The following ADAMTS6 variants were observed in gnomAD, a reference collection of about 807,000 sequenced individuals.
ADAMTS6 encodes the protein ADAM metallopeptidase with thrombospondin type 1 motif 6.
A neutral mutation model predicts 144.3 loss-of-function variants in ADAMTS6; 23 were observed. The ratio of observed to expected loss-of-function variants is 0.16; its 90% CI spans 0.11 to 0.23. The LOEUF is 0.23. Among genes scored for constraint, ADAMTS6 ranks in the 10% least tolerant of loss-of-function variants. The probability of loss-of-function intolerance (pLI) is 1.00; values close to 1 mark genes in which losing one functional copy is unlikely to be tolerated. For missense variants in ADAMTS6, 999 were observed against 1,379.6 expected (o/e 0.72, Z 4.37); for synonymous variants, 444 against 457.5 (o/e 0.97, Z 0.38).
At chr5:65,293,303 A>ATTT (rs1742503234) in intron 10 of ADAMTS6, among the ~76,000 whole-genome samples, 1 of 152,122 alleles carries the variant, frequency 6.6e-6, no homozygotes, top group Non-Finnish European at 1.5e-5. Flanking sequence ...GTTAAGTACT[A>ATTT]CTATAAATCT....
At chr5:65,413,149 C>T (rs1410918550) in intron 7 of ADAMTS6, among the ~76,000 whole-genome samples, 3 of 152,122 alleles carry the variant, frequency 2.0e-5, no homozygotes, top group Non-Finnish European at 4.4e-5. Context: ...AACAGGCCTC[C>T]ATATCTTAAA....
chr5:65,425,888 C>T (rs536942464), intron 7 of ADAMTS6, among the ~76,000 whole-genome samples: 3 of 151,978 alleles, frequency 2.0e-5, no homozygotes, highest in South Asian at 2.1e-4. Context: ...CTCAGCCTCC[C>T]GAGTAGCTGG....
intron 2 of ADAMTS6, among the ~76,000 whole-genome samples, chr5:65,472,762 C>T (rs989783457): frequency 1.3e-5 from 2 of 152,162 alleles, no homozygotes; most frequent in Non-Finnish European, 2.9e-5. Flanking sequence ...GTTTATTTCA[C>T]TTCTTATAAA....
At chr5:65,186,038 C>T (rs181845961) in intron 22 of ADAMTS6, among the ~76,000 whole-genome samples, 5 of 152,202 alleles carry the variant, frequency 3.3e-5, no homozygotes, top group Admixed American at 6.5e-5. Flanking sequence ...GTATTCTAAC[C>T]TTCCTAGTAC....
chr5:65,336,510 A>C (rs1394223135), intron 7 of ADAMTS6, among the ~76,000 whole-genome samples: 1 of 152,070 alleles, frequency 6.6e-6, no homozygotes, highest in Admixed American at 6.6e-5. Flanking sequence ...TAGGTAACAC[A>C]TCTGAGATTT....
At chr5:65,408,900 C>G (rs1175036605) in intron 7 of ADAMTS6, among the ~76,000 whole-genome samples, 3 of 152,168 alleles carry the variant, frequency 2.0e-5, no homozygotes, top group African/African-American at 7.2e-5. Flanking sequence ...TGAATGACTA[C>G]TGGGTACATA....
intron 7 of ADAMTS6, among the ~76,000 whole-genome samples, chr5:65,435,347 C>G (rs1407960057): frequency 6.6e-6 from 1 of 152,006 alleles, no homozygotes. Flanking sequence ...AAGCTTTCAA[C>G]TTTATGAGTA....
In ADAMTS6 at chr5:65,418,583, G is replaced by A. The variant is rs553592194; in HGVS notation, c.1073+32892C>T. Among the ~76,000 whole-genome samples the A allele has an allele frequency of 1.8e-3, 277 of 151,918 alleles. 2 individuals are homozygous for A. The highest frequency in any genetic ancestry group is 6.5e-3 in the African/African-American group (268 of 41,462). On this transcript the variant is annotated intron_variant, in intron 7 of 24. Transcript: ENST00000381055. ...ATAATTGTCTGGGTTTTTTTTAAAC[G>A]CAGTACAATAAATAATTTAATAACT...
At chr5:65,468,306 G>T (rs776841210) in intron 3 of ADAMTS6, among the ~76,000 whole-genome samples, 1 of 151,824 alleles carries the variant, frequency 6.6e-6, no homozygotes, top group Non-Finnish European at 1.5e-5. Flanking sequence ...TTGAAAAGTA[G>T]AATTTTTTAA....
chr5:65,237,031 T>C (rs1343262205), intron 15 of ADAMTS6, among the ~76,000 whole-genome samples: 1 of 152,070 alleles, frequency 6.6e-6, no homozygotes, highest in Non-Finnish European at 1.5e-5. Flanking sequence ...GAGAATGTTA[T>C]GATCAATTTT....
intron 7 of ADAMTS6, among the ~76,000 whole-genome samples, chr5:65,400,185 T>C (rs1753798671): frequency 6.6e-6 from 1 of 152,176 alleles, no homozygotes; most frequent in African/African-American, 2.4e-5. Context: ...AATTTTTTCT[T>C]CTTTTTAATT....
At position 65,378,165 on chromosome 5, in the gene ADAMTS6, G is replaced by T. The variant is rs184201106; in HGVS notation, c.1074-44080C>A. On this transcript the variant is annotated intron_variant, in intron 7 of 24. Coordinates refer to ENST00000381055, the MANE Select transcript of ADAMTS6 (RefSeq NM_197941.4). ...AGTTAGGACTTCACCATATCTTTTG[G>T]GGGGATACAATCCAACCCATACAGC... 2.8e-3 allele frequency among the ~76,000 whole-genome samples: 426 copies of T among 152,154 alleles called. 3 individuals are homozygous for T. Among genetic ancestry groups the T allele is most frequent in the African/African-American group, 9.9e-3 (411 of 41,520 alleles).
chr5:65,359,911 T>C (rs978237016), intron 7 of ADAMTS6, among the ~76,000 whole-genome samples: 2 of 152,212 alleles, frequency 1.3e-5, no homozygotes, highest in East Asian at 1.9e-4. Flanking sequence ...TACATACGTT[T>C]TCGAGATCTA....
chr5:65,264,065 A>T (rs924425395), intron 12 of ADAMTS6, among the ~76,000 whole-genome samples: 4 of 152,180 alleles, frequency 2.6e-5, no homozygotes, highest in Non-Finnish European at 5.9e-5. Context: ...CACCTTCTTC[A>T]TCGCTATACT....
intron 11 of ADAMTS6, among the ~76,000 whole-genome samples, chr5:65,284,824 T>A (rs1763242083): frequency 6.6e-6 from 1 of 152,130 alleles, no homozygotes; most frequent in Non-Finnish European, 1.5e-5. Context: ...AAGTTATGTT[T>A]CCACTACAAC....
At chr5:65,229,642 A>C (rs1278830858) in intron 15 of ADAMTS6, among the ~76,000 whole-genome samples, 1 of 152,152 alleles carries the variant, frequency 6.6e-6, no homozygotes, top group African/African-American at 2.4e-5. Context: ...AAAGAAAACA[A>C]TGAATAAAAT....
chr5:65,273,944 T>C (rs1431130472), intron 11 of ADAMTS6, among the ~76,000 whole-genome samples: 1 of 152,166 alleles, frequency 6.6e-6, no homozygotes, highest in Non-Finnish European at 1.5e-5. Flanking sequence ...TTTTTAAATT[T>C]TGAAGTATAT....
chr5:65,408,541 A>T (rs1410491325), intron 7 of ADAMTS6, among the ~76,000 whole-genome samples: 1 of 152,262 alleles, frequency 6.6e-6, no homozygotes, highest in African/African-American at 2.4e-5. Flanking sequence ...CTCCCATACA[A>T]TAATAATGGG....
At chr5:65,377,693 G>A (rs1010992771) in intron 7 of ADAMTS6, among the ~76,000 whole-genome samples, 1 of 152,118 alleles carries the variant, frequency 6.6e-6, no homozygotes, top group Non-Finnish European at 1.5e-5. Flanking sequence ...AGTTTCAGTG[G>A]GTGGGAGGGA....
Sources: allele counts gnomAD v4.1 joint callset (sites outside exome capture counted in the v4.1 genomes callset), GRCh38; gene constraint gnomAD v4.1.1; transcripts MANE v1.5; gene names NCBI Gene and HGNC (gene_info 2026-07-23, HGNC 2026-07-21).